Variants in ANKH observed in about 807,000 individuals in gnomAD.
The protein encoded by ANKH is mineralization regulator ANKH.
ANKH carries 15 observed loss-of-function variants against 49.0 expected under a neutral mutation model. The observed-to-expected ratio is 0.31, with a 90% CI of 0.20 to 0.47. ANKH has a LOEUF of 0.47. ANKH is among the 20% of genes least tolerant of loss of function. ANKH has a pLI of 1.00. For missense variants in ANKH, 429 were observed against 652.0 expected, an observed-to-expected ratio of 0.66 and a Z score of 3.72; for synonymous variants, 273 against 260.0, an observed-to-expected ratio of 1.05 and a Z score of -0.48.
At position 14,734,812 on chromosome 5, in the gene ANKH, A is replaced by T. The variant is rs187189188; in HGVS notation, c.1011+7015T>A. On this transcript the variant is annotated intron_variant, in intron 8 of 11. Coordinates refer to ENST00000284268, the MANE Select transcript of ANKH (RefSeq NM_054027.6). Reference sequence around the variant, plus strand: ...GATACGTTCAACTGAAAAATGAGTAATTTTTATAATTTTGTGCCAAATCAA... The same window carrying T: ...GATACGTTCAACTGAAAAATGAGTATTTTTTATAATTTTGTGCCAAATCAA... Among the ~76,000 whole-genome samples the T allele has an allele frequency of 3.2e-3, 488 of 152,352 alleles. 2 individuals carry two copies. Among genetic ancestry groups the T allele is most frequent in the Middle Eastern group, 0.01 (3 of 294 alleles).
intron 6 of ANKH, among the ~76,000 whole-genome samples, chr5:14,748,754 C>T (rs1156942379): frequency 6.6e-6 from 1 of 152,230 alleles, no homozygotes; most frequent in African/African-American, 2.4e-5. Flanking sequence ...GTGTGTCCCA[C>T]TCTGCTGCCA....
At chr5:14,751,868 T>C (rs1738731548) in intron 4 of ANKH, among the ~76,000 whole-genome samples, 1 of 152,238 alleles carries the variant, frequency 6.6e-6, no homozygotes, top group Non-Finnish European at 1.5e-5. Context: ...ATTACCAACT[T>C]AATGTAGCCT....
rs182550970 is a variant in ANKH, at chr5:14,716,519, A to T, written c.1141+187T>A. ...ATAAATAAATAAATAAATAAATAAA[A>T]TAAAAAGTTATACTGTTTGATTCAT... On this transcript the variant is annotated intron_variant, in intron 9 of 11. Coordinates refer to ENST00000284268, the MANE Select transcript of ANKH (RefSeq NM_054027.6). 1.3e-4 allele frequency among the ~76,000 whole-genome samples: 20 copies of T among 151,502 alleles called. No homozygotes were observed. In the South Asian group the frequency reaches 2.1e-3, roughly 16 times the overall value.
At chr5:14,817,269 T>C (rs1299462159) in intron 1 of ANKH, among the ~76,000 whole-genome samples, 3 of 152,084 alleles carry the variant, frequency 2.0e-5, no homozygotes, top group African/African-American at 7.2e-5. Context: ...GTGAGGCTCG[T>C]TGATGGTGAT....
At chr5:14,758,654 T>C in intron 2 of ANKH, 56 bp from the exon 3 acceptor site, 5 of 1,243,040 alleles carry the variant, frequency 4.0e-6, no homozygotes, top group Non-Finnish European at 4.7e-6. Flanking sequence ...ATCTTTATAT[T>C]CTTTTTGTTT....
intron 1 of ANKH, chr5:14,798,072 G>T (rs1740448439): frequency 5.7e-6 from 9 of 1,584,328 alleles, no homozygotes; most frequent in Non-Finnish European, 7.8e-6. Flanking sequence ...TCCACTAACT[G>T]AACCAAAACC....
intron 1 of ANKH, among the ~76,000 whole-genome samples, chr5:14,812,243 A>T (rs557077282): frequency 6.8e-6 from 1 of 147,104 alleles, no homozygotes; most frequent in Non-Finnish European, 1.5e-5. Context: ...CAAACTTATT[A>T]TTTTTTTTTT....
At chr5:14,773,852 A>G (rs756003267) in intron 1 of ANKH, among the ~76,000 whole-genome samples, 3 of 152,170 alleles carry the variant, frequency 2.0e-5, no homozygotes, top group East Asian at 1.9e-4. Flanking sequence ...TGAATTGGCT[A>G]TTTTCTACCA....
At chr5:14,848,066 G>A (rs1742014987) in intron 1 of ANKH, among the ~76,000 whole-genome samples, 1 of 152,186 alleles carries the variant, frequency 6.6e-6, no homozygotes, top group African/African-American at 2.4e-5. Context: ...CCTGAACCCA[G>A]GAGGCAGAGG....
At chr5:14,732,251 G>T (rs994195273) in intron 8 of ANKH, among the ~76,000 whole-genome samples, 2 of 152,098 alleles carry the variant, frequency 1.3e-5, no homozygotes, top group African/African-American at 4.8e-5. Context: ...GGCTCTGGTA[G>T]CACCATCTGT....
At chr5:14,768,877 G>A in intron 2 of ANKH, 98 bp downstream of exon 2, 1 of 1,317,498 alleles carries the variant, frequency 7.6e-7, no homozygotes, top group Non-Finnish European at 1.1e-6. Flanking sequence ...TTGATAATTA[G>A]TGAAGAAACC....
intron 1 of ANKH, among the ~76,000 whole-genome samples, chr5:14,849,462 T>C (rs1337179125): frequency 6.6e-6 from 1 of 152,188 alleles, no homozygotes; most frequent in African/African-American, 2.4e-5. Context: ...AACTATTTAT[T>C]AGATAGATGC....
At chr5:14,784,319 G>A (rs1580065611) in intron 1 of ANKH, among the ~76,000 whole-genome samples, 1 of 152,116 alleles carries the variant, frequency 6.6e-6, no homozygotes, top group Non-Finnish European at 1.5e-5. Context: ...TTAATATACG[G>A]TGCTACCAAA....
At chr5:14,730,119 G>A (rs1737948194) in intron 8 of ANKH, among the ~76,000 whole-genome samples, 1 of 152,098 alleles carries the variant, frequency 6.6e-6, no homozygotes, top group South Asian at 2.1e-4. Flanking sequence ...ACCATGCTGG[G>A]TTCTACAGAA....
At chr5:14,828,703 T>C (rs933800606) in intron 1 of ANKH, among the ~76,000 whole-genome samples, 14 of 152,182 alleles carry the variant, frequency 9.2e-5, no homozygotes, top group African/African-American at 3.4e-4. Context: ...TGTGAAAATA[T>C]ATTTAATGGC....
intron 8 of ANKH, among the ~76,000 whole-genome samples, chr5:14,736,656 A>G (rs973760577): frequency 6.6e-6 from 1 of 151,156 alleles, no homozygotes; most frequent in African/African-American, 2.4e-5. Flanking sequence ...CCTTCACGCT[A>G]CTCCACCTCT....
At chr5:14,773,593 T>C (rs1307021239) in intron 1 of ANKH, among the ~76,000 whole-genome samples, 1 of 152,174 alleles carries the variant, frequency 6.6e-6, no homozygotes, top group Non-Finnish European at 1.5e-5. Flanking sequence ...TTTAAAGCCA[T>C]GCAGACTTGA....
intron 1 of ANKH, among the ~76,000 whole-genome samples, chr5:14,779,770 A>C (rs1739748695): frequency 6.6e-6 from 1 of 152,184 alleles, no homozygotes; most frequent in Non-Finnish European, 1.5e-5. Flanking sequence ...TGTAGTTCTG[A>C]TCGTTTCTCA....
intron 1 of ANKH, among the ~76,000 whole-genome samples, chr5:14,812,151 T>C (rs1328724584): frequency 1.4e-5 from 2 of 147,146 alleles, no homozygotes; most frequent in African/African-American, 4.9e-5. Context: ...AATAAAAGGA[T>C]CCTAATAAGT....
Sources: allele counts gnomAD v4.1 joint callset (sites outside exome capture counted in the v4.1 genomes callset), GRCh38; gene constraint gnomAD v4.1.1; transcripts MANE v1.5; gene names NCBI Gene and HGNC (gene_info 2026-07-23, HGNC 2026-07-21).